The following RGPD2 variants were observed in gnomAD, a reference collection of about 807,000 sequenced individuals.
The protein encoded by RGPD2 is RANBP2-like and GRIP domain-containing protein 2.
In RGPD2, 2 loss-of-function variants were observed where a neutral mutation model predicts 36.0. That is an observed-to-expected ratio of 0.06 (90% CI 0.02 to 0.17). The LOEUF (loss-of-function observed/expected upper bound fraction) is 0.17, where lower values mean the gene tolerates loss of function less well. Among genes scored for constraint, RGPD2 ranks in the 10% least tolerant of loss-of-function variants. The pLI is 1.00. For missense variants in RGPD2, 40 were observed against 464.3 expected (o/e 0.09, Z 8.40); for synonymous variants, 19 against 163.8 (o/e 0.12, Z 6.75).
the RGPD2 span, among the ~76,000 whole-genome samples, chr2:87,951,904 C>G: frequency 4.6e-5 from 7 of 150,870 alleles, no homozygotes; most frequent in Non-Finnish European, 1.0e-4. Flanking sequence ...TATCTAGCCT[C>G]TTGCTAGATT....
At chr2:87,961,360 G>C in the RGPD2 span, among the ~76,000 whole-genome samples, 16 of 151,968 alleles carry the variant, frequency 1.1e-4, no homozygotes, top group Non-Finnish European at 2.1e-4. Flanking sequence ...CGACGTCGGC[G>C]CTCGAGCTGC....
the RGPD2 span, among the ~76,000 whole-genome samples, chr2:87,860,458 G>GT: frequency 6.7e-6 from 1 of 150,284 alleles, no homozygotes; most frequent in Non-Finnish European, 1.5e-5. Context: ...TCAACATACA[G>GT]TTTTTTGGTG....
the RGPD2 span, among the ~76,000 whole-genome samples, chr2:87,915,606 GTATA>G: frequency 6.5e-5 from 9 of 137,780 alleles, no homozygotes; most frequent in East Asian, 2.0e-4. Flanking sequence ...ATATGTGTGT[GTATA>G]TATATACACA....
At chr2:87,964,147 A>C in the RGPD2 span, among the ~76,000 whole-genome samples, 1 of 152,254 alleles carries the variant, frequency 6.6e-6, no homozygotes, top group Non-Finnish European at 1.5e-5. Context: ...CAAAGAGAGA[A>C]TCTTCTTGAG....
At chr2:87,878,200 ATTTCATGCGACTTT>A in the RGPD2 span, among the ~76,000 whole-genome samples, 5 of 152,232 alleles carry the variant, frequency 3.3e-5, no homozygotes, top group South Asian at 1.0e-3. Flanking sequence ...ATAACCCCAT[ATTTCATGCGACTTT>A]TTTCATTGCT....
At chr2:87,852,300 C>T in the RGPD2 span, among the ~76,000 whole-genome samples, 2 of 127,156 alleles carry the variant, frequency 1.6e-5, no homozygotes, top group East Asian at 2.2e-4. Flanking sequence ...GTGCCACTGA[C>T]TTTTTGCAGT....
chr2:87,771,404 T>TTTTC (rs1685113636), intron 22 of RGPD2: 1 of 29,228 alleles, frequency 3.4e-5, no homozygotes, highest in African/African-American at 1.1e-4. Flanking sequence ...TTTTTTTTTT[T>TTTTC]TTTTTTTTTT....
the RGPD2 span, among the ~76,000 whole-genome samples, chr2:87,845,661 A>T: frequency 6.6e-6 from 1 of 151,392 alleles, no homozygotes; most frequent in Non-Finnish European, 1.5e-5. Flanking sequence ...TATAAATCTT[A>T]GTTATTTTTA....
chr2:87,985,986 T>A, the RGPD2 span: 1 of 1,126,050 alleles, frequency 8.9e-7, no homozygotes, highest in African/African-American at 1.6e-5. Flanking sequence ...AATAACCAAG[T>A]TTTTTTAACT....
chr2:87,825,821 T>G, upstream of RGPD2: 1 of 1,441,982 alleles, frequency 6.9e-7, no homozygotes. Flanking sequence ...TGAAAGCCAC[T>G]GACGTAGCCG....
chr2:87,988,609 T>G, the RGPD2 span, among the ~76,000 whole-genome samples: 1 of 147,210 alleles, frequency 6.8e-6, no homozygotes, highest in Non-Finnish European at 1.5e-5. Context: ...GGCACGATCT[T>G]GGCTCACTGC....
At chr2:87,872,807 T>C in the RGPD2 span, among the ~76,000 whole-genome samples, 2 of 151,264 alleles carry the variant, frequency 1.3e-5, no homozygotes, top group Non-Finnish European at 2.9e-5. Context: ...TCGCCCAGGC[T>C]GGAGTGCATT....
chr2:87,825,577 C>CG lies in RGPD2; in HGVS notation c.72+80_72+81insC, dbSNP rs1396021846. ...GGCCAGGTCGAGGCCGCCGCCCGGC[C>CG]AGGTCGAGGCCGCCGCCCGGCCAGG... On this transcript the variant is annotated intron_variant, in intron 1 of 22. Coordinates refer to ENST00000398146, the MANE Select transcript of RGPD2 (RefSeq NM_001078170.3). The CG allele has an allele frequency of 1.2e-4, 128 of 1,036,136 alleles. 5 individuals carry two copies. Among genetic ancestry groups the CG allele is most frequent in the Admixed American group, 4.7e-4 (8 of 17,164 alleles). 64.2% of individuals were successfully genotyped at this position (1,036,136 alleles called of 1,614,324 possible).
the RGPD2 span, among the ~76,000 whole-genome samples, chr2:87,832,488 TA>T: frequency 6.6e-6 from 1 of 151,222 alleles, no homozygotes; most frequent in African/African-American, 2.4e-5. Context: ...TGTAGGTAAA[TA>T]TAAACTATAT....
rs1383425617 is a variant in RGPD2, at chr2:87,824,756, C to T, written c.72+902G>A. On this transcript the variant is annotated intron_variant, in intron 1 of 22. Coordinates refer to ENST00000398146, the MANE Select transcript of RGPD2 (RefSeq NM_001078170.3). ...GGCCAGGCCGAGGCCGCCGCCGCCG[C>T]CGCCGCCGCCGCCCGGCCAGGCCGA... 1.8e-3 allele frequency among the ~76,000 whole-genome samples: 222 copies of T among 125,256 alleles called. 3 individuals are homozygous for T. Among genetic ancestry groups the T allele is most frequent in the Non-Finnish European group, 3.0e-3 (175 of 58,440 alleles). 82.2% of individuals were successfully genotyped at this position (125,256 alleles called of 152,430 possible).
At chr2:87,928,954 T>C in the RGPD2 span, among the ~76,000 whole-genome samples, 1 of 151,878 alleles carries the variant, frequency 6.6e-6, no homozygotes, top group Non-Finnish European at 1.5e-5. Context: ...TATTAGACCT[T>C]TGCTAGACGA....
the RGPD2 span, among the ~76,000 whole-genome samples, chr2:87,877,011 A>G: frequency 6.6e-6 from 1 of 152,284 alleles, no homozygotes; most frequent in South Asian, 2.1e-4. Context: ...TTTGTCAGAA[A>G]CTAGAATTGC....
In RGPD2 at chr2:87,825,511, AGGCCGCCGCCC is replaced by A. The variant is rs1686726310; in HGVS notation, c.72+136_72+146del. ...CGCCGCCCGGCCGAGGCCGAGGCCG[AGGCCGCCGCCC>A]GGCCGAGGCCGAGGCCGAGGCCGCC... On this transcript the variant is annotated intron_variant, in intron 1 of 22. Coordinates refer to ENST00000398146, the MANE Select transcript of RGPD2 (RefSeq NM_001078170.3). 6 of 112,444 alleles carry A rather than the reference AGGCCGCCGCCC, an allele frequency of 5.3e-5. 1 individual carries two copies. The highest frequency in any genetic ancestry group is 9.1e-3 in the Middle Eastern group (2 of 220). The allele number at this position is 112,444 out of a possible 1,614,324, so 7.0% of individuals were successfully genotyped here.
chr2:87,886,786 C>T, the RGPD2 span, among the ~76,000 whole-genome samples: 3 of 151,656 alleles, frequency 2.0e-5, no homozygotes, highest in Admixed American at 6.6e-5. Flanking sequence ...GATGTTGGCA[C>T]AAATTATAGC....
Sources: gnomAD v4.1 joint callset for allele counts (sites outside exome capture counted in the v4.1 genomes callset) on GRCh38, gnomAD v4.1.1 for gene constraint, MANE v1.5 for transcripts, NCBI Gene and HGNC (gene_info 2026-07-23, HGNC 2026-07-21) for gene names.